The following BBS9 variants were observed in gnomAD, a reference collection of about 807,000 sequenced individuals.
The protein encoded by BBS9 is protein PTHB1.
A neutral mutation model predicts 117.7 loss-of-function variants in BBS9; 89 were observed. The ratio of observed to expected loss-of-function variants is 0.76; its 90% CI spans 0.64 to 0.90. BBS9 has a LOEUF of 0.90. BBS9 is among the 40% of genes least tolerant of loss of function. BBS9 has a pLI of 0.00. For synonymous variants in BBS9, 379 were observed against 370.9 expected (o/e 1.02, Z -0.25); for missense variants, 982 against 1,042.2 (o/e 0.94, Z 0.80).
At chr7:33,325,655 G>T (rs946466672) in intron 9 of BBS9, among the ~76,000 whole-genome samples, 1 of 152,098 alleles carries the variant, frequency 6.6e-6, no homozygotes, top group Non-Finnish European at 1.5e-5. Flanking sequence ...AGGGGGACTT[G>T]GGTGTTACAA....
intron 19 of BBS9, among the ~76,000 whole-genome samples, chr7:33,465,063 T>C (rs1400767131): frequency 6.6e-6 from 1 of 151,968 alleles, no homozygotes; most frequent in African/African-American, 2.4e-5. Context: ...ATATTATAAT[T>C]TAATTGCTGA....
At chr7:33,557,865 A>G (rs1452356110) in intron 21 of BBS9, among the ~76,000 whole-genome samples, 1 of 152,176 alleles carries the variant, frequency 6.6e-6, no homozygotes, top group African/African-American at 2.4e-5. Flanking sequence ...ACCTCCAACT[A>G]TTAGGATCCC....
chr7:33,631,174 C>T (rs1241774100), intron 21 of BBS9, among the ~76,000 whole-genome samples: 1 of 152,078 alleles, frequency 6.6e-6, no homozygotes, highest in African/African-American at 2.4e-5. Flanking sequence ...GGAGGAAAGG[C>T]GAAAAGGCCG....
At chr7:33,507,407 A>AT (rs949046934) in intron 20 of BBS9, among the ~76,000 whole-genome samples, 23 of 151,486 alleles carry the variant, frequency 1.5e-4, no homozygotes, top group African/African-American at 4.6e-4. Context: ...TGCCTAACTA[A>AT]TTTTTTTTGT....
chr7:33,491,196 A>G (rs1041336385), intron 19 of BBS9, among the ~76,000 whole-genome samples: 1 of 152,238 alleles, frequency 6.6e-6, no homozygotes. Context: ...TGGGAGGTAT[A>G]ACTCCAAACA....
chr7:33,541,709 A>G (rs1191259087), intron 21 of BBS9, among the ~76,000 whole-genome samples: 4 of 152,222 alleles, frequency 2.6e-5, no homozygotes, highest in Non-Finnish European at 5.9e-5. Flanking sequence ...AAGACCTCAT[A>G]TTATTATAAA....
At chr7:33,575,564 C>T (rs1017119521) in intron 21 of BBS9, among the ~76,000 whole-genome samples, 1 of 152,088 alleles carries the variant, frequency 6.6e-6, no homozygotes, top group African/African-American at 2.4e-5. Context: ...TTTATGAGGC[C>T]AGTATCATCC....
chr7:33,388,197 C>T (rs1234414863), intron 19 of BBS9, 53 bp downstream of exon 19: 2 of 1,583,284 alleles, frequency 1.3e-6, no homozygotes, highest in Admixed American at 3.3e-5. Flanking sequence ...TTTTTTTTGT[C>T]ACCCTAGAGT....
intron 19 of BBS9, among the ~76,000 whole-genome samples, chr7:33,458,178 T>C (rs2128928778): frequency 1.3e-5 from 2 of 152,306 alleles, no homozygotes; most frequent in Non-Finnish European, 2.9e-5. Flanking sequence ...TTAGCAAAAC[T>C]GTTTATATCA....
intron 19 of BBS9, among the ~76,000 whole-genome samples, chr7:33,502,063 C>T (rs752589650): frequency 6.6e-6 from 1 of 152,158 alleles, no homozygotes; most frequent in Non-Finnish European, 1.5e-5. Context: ...GCACGTGCCA[C>T]CATGCCCAGC....
chr7:33,434,837 G>A (rs1024985149), intron 19 of BBS9, among the ~76,000 whole-genome samples: 1 of 152,052 alleles, frequency 6.6e-6, no homozygotes, highest in Non-Finnish European at 1.5e-5. Flanking sequence ...TACAATGATG[G>A]TCATGACATG....
intron 9 of BBS9, among the ~76,000 whole-genome samples, chr7:33,309,623 A>G (rs1412858074): frequency 6.6e-6 from 1 of 152,214 alleles, no homozygotes; most frequent in African/African-American, 2.4e-5. Flanking sequence ...TTGAGAAAGA[A>G]AAGCTTGGTT....
At chr7:33,541,744 T>G (rs1340139767) in intron 21 of BBS9, among the ~76,000 whole-genome samples, 2 of 152,160 alleles carry the variant, frequency 1.3e-5, no homozygotes. Context: ...ATGTCCAGAA[T>G]AGGCAAATTC....
At position 33,226,931 on chromosome 7, in the gene BBS9, C is replaced by G. The variant is rs1791396146; in HGVS notation, c.443-30305C>G. Among the ~76,000 whole-genome samples the G allele has an allele frequency of 2.6e-5, 4 of 152,132 alleles. No homozygotes were observed. In the South Asian group the frequency reaches 8.3e-4, roughly 32 times the overall value. On this transcript the variant is annotated intron_variant, in intron 5 of 22. Coordinates refer to ENST00000242067, the MANE Select transcript of BBS9 (RefSeq NM_198428.3). ...AGTATTTGATAGATACAAACTTTTG[C>G]TTAGGAAAGATGAAAAAGTTATGGA...
intron 19 of BBS9, among the ~76,000 whole-genome samples, chr7:33,450,742 T>G (rs1306997163): frequency 2.0e-5 from 3 of 152,208 alleles, no homozygotes; most frequent in Non-Finnish European, 4.4e-5. Flanking sequence ...GTTATTGGGT[T>G]GTAGGAATTC....
At chr7:33,233,353 T>C (rs574717911) in intron 5 of BBS9, among the ~76,000 whole-genome samples, 43 of 152,286 alleles carry the variant, frequency 2.8e-4, no homozygotes, top group African/African-American at 1.0e-3. Flanking sequence ...CAAAAAGTTT[T>C]TTTATAAACT....
intron 19 of BBS9, among the ~76,000 whole-genome samples, chr7:33,472,399 A>G (rs1293830119): frequency 1.3e-5 from 2 of 152,210 alleles, no homozygotes; most frequent in Non-Finnish European, 1.5e-5. Context: ...CCAGAAAAAT[A>G]TGTAGCACTG....
rs1251263949 is a variant in BBS9, at chr7:33,574,725, A to ACACG, written c.2522-30139_2522-30138insACGC. The stretch of plus-strand genomic sequence containing the variant: ...CACACACACACACACACACACACAC[A>ACACG]CGCGCACACACACACACTTTCACTA... On this transcript the variant is annotated intron_variant, in intron 21 of 22. Transcript: ENST00000242067. Among the ~76,000 whole-genome samples, 736 of 125,838 alleles carry ACACG rather than the reference A, an allele frequency of 5.8e-3. 6 individuals carry two copies. The highest frequency in any genetic ancestry group is 0.023 in the Middle Eastern group (6 of 258). 82.6% of individuals were successfully genotyped at this position (125,838 alleles called of 152,430 possible).
At chr7:33,193,148 C>G (rs1784396077) in intron 5 of BBS9, among the ~76,000 whole-genome samples, 1 of 152,138 alleles carries the variant, frequency 6.6e-6, no homozygotes, top group Non-Finnish European at 1.5e-5. Context: ...CCATTTTTCA[C>G]TTGTTAACAA....
Sources: allele counts gnomAD v4.1 joint callset (sites outside exome capture counted in the v4.1 genomes callset), GRCh38; gene constraint gnomAD v4.1.1; transcripts MANE v1.5; gene names NCBI Gene and HGNC (gene_info 2026-07-23, HGNC 2026-07-21).